The following GPC5 variants were observed in gnomAD, a reference collection of about 807,000 sequenced individuals.
The protein encoded by GPC5 is glypican 5.
A neutral mutation model predicts 53.9 loss-of-function variants in GPC5; 47 were observed. The observed-to-expected ratio is 0.87, with a 90% CI of 0.69 to 1.11. The LOEUF is 1.11. Ranked by LOEUF, GPC5 falls within the 50% of genes most tolerant of loss-of-function variation. The pLI, the probability that GPC5 is intolerant of heterozygous loss-of-function variation, is 0.00. For missense variants in GPC5, 748 were observed against 713.1 expected (o/e 1.05, Z -0.56); for synonymous variants, 286 against 263.3 (o/e 1.09, Z -0.84).
chr13:91,504,613 G>A (rs1211391133), intron 2 of GPC5, among the ~76,000 whole-genome samples: 2 of 152,068 alleles, frequency 1.3e-5, no homozygotes, highest in Non-Finnish European at 2.9e-5. Context: ...GTAACCTTAG[G>A]AATTAATATA....
intron 6 of GPC5, among the ~76,000 whole-genome samples, chr13:92,007,616 C>T (rs992224649): frequency 2.0e-5 from 3 of 151,972 alleles, no homozygotes; most frequent in Non-Finnish European, 2.9e-5. Context: ...GTCTTTCAGG[C>T]TGTATATGGT....
In GPC5 at chr13:92,762,974, A is replaced by C. The variant is rs74486061; in HGVS notation, c.1562-103308A>C. Among the ~76,000 whole-genome samples, 972 of 150,574 alleles carry C rather than the reference A, an allele frequency of 6.5e-3. 10 individuals are homozygous for C. The highest frequency in any genetic ancestry group is 0.023 in the African/African-American group (930 of 41,018). ...TGTTTCCTTTTTTTTTATGATATCC[A>C]TCTCTTTATTAAATTTCTCATTTGA... On this transcript the variant is annotated intron_variant, in intron 7 of 7. Coordinates refer to ENST00000377067, the MANE Select transcript of GPC5 (RefSeq NM_004466.6).
chr13:92,019,354 A>C (rs1324109293), intron 6 of GPC5, among the ~76,000 whole-genome samples: 1 of 152,100 alleles, frequency 6.6e-6, no homozygotes, highest in Admixed American at 6.6e-5. Context: ...TATAGAAGAC[A>C]CAGCTTATGT....
intron 2 of GPC5, among the ~76,000 whole-genome samples, chr13:91,457,748 A>G (rs1345575832): frequency 6.6e-6 from 1 of 152,142 alleles, no homozygotes; most frequent in African/African-American, 2.4e-5. Context: ...TTTCGTTTTC[A>G]TCCTTTCCTA....
At chr13:91,505,032 T>C (rs1594180471) in intron 2 of GPC5, among the ~76,000 whole-genome samples, 1 of 152,186 alleles carries the variant, frequency 6.6e-6, no homozygotes, top group South Asian at 2.1e-4. Context: ...CATGGTTTCA[T>C]AGGAATAATC....
intron 2 of GPC5, among the ~76,000 whole-genome samples, chr13:91,540,513 T>A (rs1408329395): frequency 6.6e-6 from 1 of 151,886 alleles, no homozygotes; most frequent in East Asian, 1.9e-4. Context: ...TTTTTGGGGG[T>A]GATGAGAATG....
At chr13:92,632,952 G>A (rs899585120) in intron 7 of GPC5, among the ~76,000 whole-genome samples, 17 of 152,094 alleles carry the variant, frequency 1.1e-4, no homozygotes, top group Non-Finnish European at 2.2e-4. Flanking sequence ...GCACAATGGC[G>A]CTATCTTGGC....
intron 7 of GPC5, among the ~76,000 whole-genome samples, chr13:92,149,311 G>T (rs2041890660): frequency 6.6e-6 from 1 of 151,988 alleles, no homozygotes; most frequent in African/African-American, 2.4e-5. Flanking sequence ...GCCTCTGATA[G>T]CACTATCCAG....
rs190093380 is a variant in GPC5 at position 91,887,547 on chromosome 13, C to T, written c.1281-20390C>T. Among the ~76,000 whole-genome samples, 766 of 152,212 alleles carry T rather than the reference C, an allele frequency of 5.0e-3. 9 individuals are homozygous for T. Among genetic ancestry groups the T allele is most frequent in the African/African-American group, 5.7e-3 (236 of 41,540 alleles). ...GATTTTCTTTTCTCTTGCATTGTGA[C>T]GCTGCAAATTTTCCAAACCTTTATG... On this transcript the variant is annotated intron_variant, in intron 5 of 7. Transcript: ENST00000377067.
chr13:92,210,231 T>C (rs529507462), intron 7 of GPC5, among the ~76,000 whole-genome samples: 74 of 152,294 alleles, frequency 4.9e-4, no homozygotes, highest in African/African-American at 1.6e-3. Context: ...CAGTATTACA[T>C]TGATGAGACC....
At chr13:92,386,320 G>A (rs9516069) in intron 7 of GPC5, among the ~76,000 whole-genome samples, 84,441 of 151,774 alleles carry the variant, frequency 0.56, 23,807 homozygotes, top group African/African-American at 0.63. Flanking sequence ...GAGAAACAAA[G>A]CAATCCTAAT....
At chr13:92,303,547 C>T (rs1164973281) in intron 7 of GPC5, among the ~76,000 whole-genome samples, 1 of 151,748 alleles carries the variant, frequency 6.6e-6, no homozygotes, top group Admixed American at 6.6e-5. Context: ...GGAGACAGGC[C>T]CTGAGAGGCA....
chr13:92,755,891 T>C (rs1874838233), intron 7 of GPC5, among the ~76,000 whole-genome samples: 2 of 147,324 alleles, frequency 1.4e-5, no homozygotes, highest in African/African-American at 5.0e-5. Context: ...AGCCGAATTC[T>C]ACCAGAGGTA....
chr13:92,345,738 C>G (rs2043405833), intron 7 of GPC5, among the ~76,000 whole-genome samples: 1 of 152,228 alleles, frequency 6.6e-6, no homozygotes, highest in East Asian at 1.9e-4. Flanking sequence ...CTGGAGGCAT[C>G]CAATCTTCCC....
chr13:91,575,593 G>A (rs2032101666), intron 2 of GPC5, among the ~76,000 whole-genome samples: 1 of 152,032 alleles, frequency 6.6e-6, no homozygotes, highest in Non-Finnish European at 1.5e-5. Context: ...GTACCCACTG[G>A]CAGAAAAGTT....
chr13:92,428,332 A>C (rs953264403), intron 7 of GPC5, among the ~76,000 whole-genome samples: 57 of 152,090 alleles, frequency 3.7e-4, no homozygotes, highest in African/African-American at 1.4e-3. Context: ...TTATCTCTGA[A>C]AGCATCATGT....
intron 2 of GPC5, among the ~76,000 whole-genome samples, chr13:91,571,974 T>C (rs1160797313): frequency 3.5e-5 from 5 of 143,724 alleles, no homozygotes; most frequent in Non-Finnish European, 6.1e-5. Context: ...TATATATGTG[T>C]ATATATGTAT....
At chr13:91,765,990 T>C (rs890145003) in intron 5 of GPC5, among the ~76,000 whole-genome samples, 5 of 152,242 alleles carry the variant, frequency 3.3e-5, no homozygotes, top group Non-Finnish European at 7.3e-5. Flanking sequence ...AATTCTGTAA[T>C]ACATAAATAC....
At chr13:91,623,419 AG>A (rs1197445020) in intron 2 of GPC5, among the ~76,000 whole-genome samples, 26 of 152,160 alleles carry the variant, frequency 1.7e-4, no homozygotes, top group African/African-American at 6.3e-4. Context: ...GAAGGGGATG[AG>A]GGCAAGAGGA....
Sources: gnomAD v4.1 joint callset for allele counts (sites outside exome capture counted in the v4.1 genomes callset) on GRCh38, gnomAD v4.1.1 for gene constraint, MANE v1.5 for transcripts, NCBI Gene and HGNC (gene_info 2026-07-23, HGNC 2026-07-21) for gene names.